The following ATP11C variants were observed in gnomAD, a reference collection of about 807,000 sequenced individuals.
ATP11C encodes ATPase phospholipid transporting 11C (ATP11C blood group).
A neutral mutation model predicts 97.4 loss-of-function variants in ATP11C; 36 were observed. The observed-to-expected ratio is 0.37, with a 90% CI of 0.28 to 0.49. The LOEUF is 0.49. Ranked by LOEUF, ATP11C falls within the 20% of genes least tolerant of loss-of-function variation. The probability of loss-of-function intolerance (pLI) is 0.98; values close to 1 mark genes in which losing one functional copy is unlikely to be tolerated. For missense variants in ATP11C, 730 were observed against 824.6 expected, an observed-to-expected ratio of 0.89 and a Z score of 1.40; for synonymous variants, 275 against 290.9, an observed-to-expected ratio of 0.95 and a Z score of 0.56.
intron 1 of ATP11C, among the ~76,000 whole-genome samples, chrX:139,917,512 C>T (rs1479154685): frequency 1.8e-5 from 2 of 111,566 alleles, no homozygotes; most frequent in East Asian, 5.6e-4. Context: ...ATAACCCCCC[C>T]GCAACCAAAA....
rs2082525843 is a variant in ATP11C, at chrX:139,784,241, T to C, written c.1667-974A>G. Reference sequence around the variant, plus strand: ...TGTAGAACATGTGGACATGCACACATAAGAATAGCAAGTATTTGAAATGTT... The same window carrying C: ...TGTAGAACATGTGGACATGCACACACAAGAATAGCAAGTATTTGAAATGTT... On this transcript the variant is annotated intron_variant, in intron 16 of 29. Transcript: ENST00000682941. Among the ~76,000 whole-genome samples, 4 of 111,925 alleles carry C rather than the reference T, an allele frequency of 3.6e-5. No homozygotes were observed. In the South Asian group the frequency reaches 1.5e-3, roughly 42 times the overall value.
chrX:139,749,836 G>A (rs1270539267), intron 24 of ATP11C, among the ~76,000 whole-genome samples, 189 bp downstream of exon 24: 5 of 111,698 alleles, frequency 4.5e-5, no homozygotes, highest in Non-Finnish European at 9.4e-5. Context: ...TTCAAGTACA[G>A]AACCCACACC....
intron 27 of ATP11C, among the ~76,000 whole-genome samples, chrX:139,740,011 A>G (rs997979523): frequency 1.8e-5 from 2 of 111,883 alleles, no homozygotes. Context: ...ATTTTTAAAA[A>G]GCTTTTCAAA....
intron 2 of ATP11C, among the ~76,000 whole-genome samples, chrX:139,820,486 T>G (rs1013865744): frequency 9.0e-6 from 1 of 111,288 alleles, no homozygotes; most frequent in Non-Finnish European, 1.9e-5. Flanking sequence ...AGCTAACCTC[T>G]GGAGTCTTGA....
chrX:139,739,321 T>C (rs954357476), intron 27 of ATP11C, among the ~76,000 whole-genome samples: 2 of 109,521 alleles, frequency 1.8e-5, no homozygotes, highest in Admixed American at 2.0e-4. Context: ...ATGTCATCTA[T>C]GGAGTTTTGT....
At position 139,737,957 on chromosome X, in the gene ATP11C, G is replaced by A; in HGVS notation, c.3247C>T (p.Leu1083Phe). 8.3e-7 allele frequency: 1 copy of A among 1,203,442 alleles called. No individual in the cohort carries two copies. Among genetic ancestry groups the A allele is most frequent in the Non-Finnish European group, 1.1e-6 (1 of 889,948 alleles). ...LIFISLFPEI[L>F]LIVLKNVRRR... ...CTTACATTCTTTAATACTATCAGAA[G>A]AATCTCAGGGAACAGGCTGATAAAT... Residue 1083 changes from leucine to phenylalanine, a missense_variant, in exon 28 of 30, where the codon CTT becomes TTT. By Grantham distance (22) the Leu-to-Phe change is conservative. Coordinates refer to ENST00000682941, the MANE Select transcript of ATP11C (RefSeq NM_001353812.2).
At chrX:139,758,109 G>C (rs1280209776) in intron 22 of ATP11C, among the ~76,000 whole-genome samples, 1 of 111,896 alleles carries the variant, frequency 8.9e-6, no homozygotes, top group Non-Finnish European at 1.9e-5. Context: ...AGAATCTGTT[G>C]CTGTCCTTCT....
At chrX:139,911,259 G>C (rs1275116194) in intron 1 of ATP11C, among the ~76,000 whole-genome samples, 2 of 111,578 alleles carry the variant, frequency 1.8e-5, no homozygotes, top group Non-Finnish European at 3.8e-5. Flanking sequence ...TTTTGAATAT[G>C]AAAAGGACTC....
intron 1 of ATP11C, among the ~76,000 whole-genome samples, chrX:139,872,556 CCT>C (rs2084396499): frequency 9.3e-6 from 1 of 106,987 alleles, no homozygotes; most frequent in Non-Finnish European, 1.9e-5. Flanking sequence ...TGTTCCCCAC[CCT>C]GTGTCCAAGT....
chrX:139,764,005 G>T (rs1206771733), intron 20 of ATP11C, among the ~76,000 whole-genome samples: 2 of 111,982 alleles, frequency 1.8e-5, no homozygotes, highest in African/African-American at 3.2e-5. Flanking sequence ...ATCAGATGTT[G>T]AATGTGTGAC....
At chrX:139,886,260 A>G (rs1483538714) in intron 1 of ATP11C, among the ~76,000 whole-genome samples, 1 of 111,378 alleles carries the variant, frequency 9.0e-6, no homozygotes, top group Non-Finnish European at 1.9e-5. Context: ...GTATTTTTAT[A>G]CACAATAGTG....
intron 1 of ATP11C, among the ~76,000 whole-genome samples, chrX:139,849,611 T>C (rs2083959075): frequency 8.9e-6 from 1 of 112,145 alleles, no homozygotes; most frequent in South Asian, 3.7e-4. Context: ...TTCAGCCCTC[T>C]CTCTGTAGGC....
intron 1 of ATP11C, among the ~76,000 whole-genome samples, chrX:139,869,623 A>G (rs866314853): frequency 3.7e-4 from 34 of 92,988 alleles, no homozygotes; most frequent in African/African-American, 1.5e-3. Context: ...CTCTACTAAA[A>G]AAAAAAAAAA....
chrX:139,819,369 T>C lies in ATP11C; in HGVS notation c.206A>G (p.Asn69Ser), dbSNP rs757821422. Reference sequence around the variant, plus strand: ...AAGGAAGATTATGAGAAAATAAAAATTTGCAATTCTTCTAAACTGTTCAAA... The same window carrying C: ...AAGGAAGATTATGAGAAAATAAAAACTTGCAATTCTTCTAAACTGTTCAAA... ...NLFEQFRRIA[N>S]FYFLIIFLVQ... The change falls in exon 3 of 30, where the codon AAT (asparagine) becomes AGT (serine). Residue 69 changes from asparagine (N) to serine (S), a missense_variant. Coordinates refer to ENST00000682941, the MANE Select transcript of ATP11C (RefSeq NM_001353812.2). 5 of 1,141,994 alleles carry C rather than the reference T, an allele frequency of 4.4e-6. No individual in the cohort carries two copies. The highest frequency in any genetic ancestry group is 5.1e-5 in the Admixed American group (2 of 39,475). The allele number at this position is 1,141,994 out of a possible 1,213,427, so 94.1% of individuals were successfully genotyped here. A position where few individuals can be genotyped will look rare whatever the true frequency, so the allele number is the denominator to read the frequency against.
chrX:139,816,742 T>C, intron 4 of ATP11C, 121 bp downstream of exon 4: 1 of 412,333 alleles, frequency 2.4e-6, no homozygotes, highest in Non-Finnish European at 4.2e-6. Context: ...AGGAACCAAA[T>C]ATAAAATAAA....
At chrX:139,897,777 G>A (rs2084834790) in intron 1 of ATP11C, among the ~76,000 whole-genome samples, 1 of 110,728 alleles carries the variant, frequency 9.0e-6, no homozygotes, top group Non-Finnish European at 1.9e-5. Flanking sequence ...TTAGAAGCCA[G>A]GGACATTTAG....
intron 2 of ATP11C, among the ~76,000 whole-genome samples, chrX:139,825,062 A>T (rs1224590206): frequency 9.0e-6 from 1 of 111,609 alleles, no homozygotes; most frequent in Non-Finnish European, 1.9e-5. Context: ...TATCCCACAC[A>T]TTCAAAACAC....
intron 17 of ATP11C, 57 bp from the exon 18 acceptor site, chrX:139,782,785 AAC>A (rs1569452963): frequency 4.5e-6 from 4 of 892,255 alleles, no homozygotes; most frequent in Non-Finnish European, 6.3e-6. Flanking sequence ...AAAAAAAAAA[AAC>A]ACACTCTGTA....
chrX:139,928,233 A>G (rs1465208754), intron 1 of ATP11C, among the ~76,000 whole-genome samples: 1 of 112,280 alleles, frequency 8.9e-6, no homozygotes, highest in Non-Finnish European at 1.9e-5. Context: ...GTCAAGTTCA[A>G]CTGCTAAACC....
Sources: allele counts gnomAD v4.1 joint callset (sites outside exome capture counted in the v4.1 genomes callset), GRCh38; gene constraint gnomAD v4.1.1; transcripts MANE v1.5; gene names NCBI Gene and HGNC (gene_info 2026-07-23, HGNC 2026-07-21).